The following CRB1 variants were observed in gnomAD, a reference collection of about 807,000 sequenced individuals.
The protein encoded by CRB1 is crumbs cell polarity complex component 1.
CRB1 carries 83 observed loss-of-function variants against 120.0 expected under a neutral mutation model. That is an observed-to-expected ratio of 0.69 (90% CI 0.58 to 0.83). The LOEUF is 0.83. CRB1 is among the 40% of genes least tolerant of loss of function. The pLI, the probability that CRB1 is intolerant of heterozygous loss-of-function variation, is 0.00. For missense variants in CRB1, 1,699 were observed against 1,687.6 expected (o/e 1.01, Z -0.12); for synonymous variants, 625 against 612.5 (o/e 1.02, Z -0.30).
At position 197,438,531 on chromosome 1, in the gene CRB1, G is replaced by C. The variant is rs750608131; in HGVS notation, c.3750-16G>C. 1.2e-6 allele frequency: 2 copies of C among 1,611,310 alleles called. No individual in the cohort carries two copies. The highest frequency in any genetic ancestry group is 1.7e-6 in the Non-Finnish European group (2 of 1,178,016). ...AACAAGATGAACAGCTGTGGCTCTTGCTTTTATCTCTCTAGACAGAGCAGA... is the reference window on the plus strand; with the variant it reads ...AACAAGATGAACAGCTGTGGCTCTTCCTTTTATCTCTCTAGACAGAGCAGA... On this transcript the variant is annotated splice_polypyrimidine_tract_variant and intron_variant, in intron 9 of 11. Transcript: ENST00000367400.
At chr1:197,450,663 G>A (rs966129800) in intron 11 of CRB1, among the ~76,000 whole-genome samples, 7 of 151,462 alleles carry the variant, frequency 4.6e-5, no homozygotes, top group Admixed American at 6.6e-5. Flanking sequence ...AGCATAGGCC[G>A]GGCGCGGTGG....
intron 1 of CRB1, among the ~76,000 whole-genome samples, chr1:197,326,600 C>T (rs560426880): frequency 1.1e-4 from 16 of 152,058 alleles, no homozygotes; most frequent in African/African-American, 3.4e-4. Context: ...TACTGTACTC[C>T]AGCCTGGGCG....
At chr1:197,328,364 A>G in intron 1 of CRB1, 58 bp from the exon 2 acceptor site, 1 of 1,407,264 alleles carries the variant, frequency 7.1e-7, no homozygotes. Context: ...ACAAAGAAAG[A>G]TTTTTAACTT....
chr1:197,462,608 G>A (rs1164586646), intron 11 of CRB1, among the ~76,000 whole-genome samples: 5 of 152,058 alleles, frequency 3.3e-5, no homozygotes, highest in Non-Finnish European at 5.9e-5. Context: ...TGAGGGACAA[G>A]GTATAAATGC....
the CRB1 span, among the ~76,000 whole-genome samples, chr1:197,248,402 T>C: frequency 2.0e-5 from 3 of 151,986 alleles, no homozygotes; most frequent in East Asian, 3.9e-4. Flanking sequence ...ATCTGTAAAA[T>C]AGGAAAATAC....
upstream of CRB1, among the ~76,000 whole-genome samples, chr1:197,264,337 G>T (rs1220035327): frequency 5.3e-5 from 8 of 152,098 alleles, no homozygotes; most frequent in African/African-American, 1.9e-4. Flanking sequence ...ATTCCATTGT[G>T]TTATATATAC....
chr1:197,406,449 A>C (rs1357445765), intron 5 of CRB1, among the ~76,000 whole-genome samples: 1 of 152,208 alleles, frequency 6.6e-6, no homozygotes, highest in Admixed American at 6.5e-5. Context: ...GGAGGGCCGC[A>C]GGGTCCTCTG....
chr1:197,368,471 G>A (rs1450631631), intron 5 of CRB1, among the ~76,000 whole-genome samples: 2 of 152,110 alleles, frequency 1.3e-5, no homozygotes, highest in Non-Finnish European at 2.9e-5. Context: ...TATGTTAGCT[G>A]CAATAACTAG....
the CRB1 span, among the ~76,000 whole-genome samples, chr1:197,242,483 T>A: frequency 3.9e-5 from 6 of 152,222 alleles, no homozygotes; most frequent in Non-Finnish European, 8.8e-5. Context: ...TTACGTTTAT[T>A]GATTTGCACA....
chr1:197,384,345 G>A (rs1190380829), intron 5 of CRB1, among the ~76,000 whole-genome samples: 1 of 152,088 alleles, frequency 6.6e-6, no homozygotes, highest in African/African-American at 2.4e-5. Context: ...GCTATTACCT[G>A]GAAAGAATGA....
Position 197,301,890 on chromosome 1 carries a change from G to GA in CRB1, c.71-26522dup, listed in dbSNP as rs553690386. Among the ~76,000 whole-genome samples, 511 of 146,788 alleles carry GA rather than the reference G, an allele frequency of 3.5e-3. 2 individuals carry two copies. Among genetic ancestry groups the GA allele is most frequent in the African/African-American group, 0.011 (450 of 40,014 alleles). On this transcript the variant is annotated intron_variant, in intron 1 of 11. Transcript: ENST00000367400. ...GGATGCAAAGTTGCTTCTTATGGATGAAAAAAAAAAGAATTTTGTGAAATG... is the reference window on the plus strand; with the variant it reads ...GGATGCAAAGTTGCTTCTTATGGATGAAAAAAAAAAAGAATTTTGTGAAATG...
chr1:197,297,009 T>G (rs1291113298), intron 1 of CRB1, among the ~76,000 whole-genome samples: 1 of 152,050 alleles, frequency 6.6e-6, no homozygotes, highest in Non-Finnish European at 1.5e-5. Flanking sequence ...TACACAAGTC[T>G]CCTCCTTGAT....
chr1:197,372,818 G>A (rs983920958), intron 5 of CRB1, among the ~76,000 whole-genome samples: 2 of 152,128 alleles, frequency 1.3e-5, no homozygotes, highest in African/African-American at 4.8e-5. Context: ...CATTAGTGGT[G>A]TCAGCTATGG....
upstream of CRB1, among the ~76,000 whole-genome samples, chr1:197,264,653 G>T (rs1381354084): frequency 7.4e-6 from 1 of 135,508 alleles, no homozygotes; most frequent in Non-Finnish European, 1.5e-5. Context: ...TCACTCTGTC[G>T]CTCTGTCGCC....
intron 2 of CRB1, among the ~76,000 whole-genome samples, chr1:197,331,594 G>C (rs907787381): frequency 1.3e-5 from 2 of 151,978 alleles, no homozygotes; most frequent in African/African-American, 2.4e-5. Flanking sequence ...GGGCTGGCTT[G>C]GAAGTGCTTT....
intron 5 of CRB1, among the ~76,000 whole-genome samples, chr1:197,405,890 C>T (rs988904394): frequency 2.6e-5 from 4 of 151,904 alleles, no homozygotes; most frequent in Non-Finnish European, 4.4e-5. Flanking sequence ...GCAGCCACCC[C>T]GTCTGGGAAG....
the CRB1 span, among the ~76,000 whole-genome samples, chr1:197,245,172 T>C: frequency 4.6e-5 from 7 of 152,128 alleles, no homozygotes; most frequent in African/African-American, 9.7e-5. Context: ...TAACTCGTCA[T>C]TGAACATTAG....
At chr1:197,236,690 C>T in the CRB1 span, among the ~76,000 whole-genome samples, 1 of 152,094 alleles carries the variant, frequency 6.6e-6, no homozygotes, top group Non-Finnish European at 1.5e-5. Flanking sequence ...TAAAGAAGTT[C>T]CCCTCTATCC....
the CRB1 span, among the ~76,000 whole-genome samples, chr1:197,208,570 G>C: frequency 3.8e-4 from 58 of 152,184 alleles, no homozygotes; most frequent in African/African-American, 1.4e-3. Context: ...ACTGTCTTCA[G>C]GTTTCTCAGT....
Sources: allele counts gnomAD v4.1 joint callset (sites outside exome capture counted in the v4.1 genomes callset), GRCh38; gene constraint gnomAD v4.1.1; transcripts MANE v1.5; gene names NCBI Gene and HGNC (gene_info 2026-07-23, HGNC 2026-07-21).